The following MANBA variants were observed in gnomAD, a reference collection of about 807,000 sequenced individuals.
MANBA encodes mannosidase beta.
In MANBA, 83 loss-of-function variants were observed where a neutral mutation model predicts 111.1. The ratio of observed to expected loss-of-function variants is 0.75; its 90% CI spans 0.63 to 0.90. The LOEUF is 0.90. Ranked by LOEUF, MANBA falls within the 40% of genes least tolerant of loss-of-function variation. The pLI is 0.00. For missense variants in MANBA, 1,036 were observed against 1,069.0 expected (o/e 0.97, Z 0.43); for synonymous variants, 370 against 378.7 (o/e 0.98, Z 0.27).
chr4:102,748,541 G>A (rs1056914806), intron 1 of MANBA, among the ~76,000 whole-genome samples: 20 of 152,160 alleles, frequency 1.3e-4, no homozygotes, highest in African/African-American at 4.6e-4. Context: ...CAAGAAACCG[G>A]TTAATCATGG....
intron 5 of MANBA, among the ~76,000 whole-genome samples, chr4:102,696,802 G>A (rs1415524552): frequency 6.6e-6 from 1 of 152,140 alleles, no homozygotes; most frequent in African/African-American, 2.4e-5. Flanking sequence ...GCAGGGAAAG[G>A]TAGTTATGTG....
At chr4:102,725,365 C>A (rs1722754885) in intron 2 of MANBA, among the ~76,000 whole-genome samples, 1 of 151,986 alleles carries the variant, frequency 6.6e-6, no homozygotes, top group African/African-American at 2.4e-5. Flanking sequence ...CTGCAAAGAG[C>A]AAAACCAAAA....
At chr4:102,710,754 T>C (rs1722031603) in intron 5 of MANBA, among the ~76,000 whole-genome samples, 1 of 151,946 alleles carries the variant, frequency 6.6e-6, no homozygotes, top group Admixed American at 6.6e-5. Flanking sequence ...AACAGACACA[T>C]AAACCAAAGG....
At chr4:102,720,782 G>A (rs182107875) in intron 4 of MANBA, among the ~76,000 whole-genome samples, 1 of 152,272 alleles carries the variant, frequency 6.6e-6, no homozygotes, top group East Asian at 1.9e-4. Context: ...CTCTAAGGCT[G>A]TTATTACAGT....
intron 8 of MANBA, chr4:102,671,808 C>T (rs142684623): frequency 2.4e-6 from 1 of 417,478 alleles, no homozygotes; most frequent in African/African-American, 2.1e-5. Flanking sequence ...ATTTCTCCAG[C>T]CCAGTATTTC....
At chr4:102,748,124 C>A (rs186132803) in intron 1 of MANBA, among the ~76,000 whole-genome samples, 17 of 152,260 alleles carry the variant, frequency 1.1e-4, no homozygotes, top group African/African-American at 4.1e-4. Context: ...GTGGAAGAGG[C>A]AGTTGGTGAA....
chr4:102,670,012 G>A (rs559661963), intron 9 of MANBA, among the ~76,000 whole-genome samples: 9 of 151,788 alleles, frequency 5.9e-5, no homozygotes, highest in Admixed American at 3.3e-4. Flanking sequence ...AAAATTAGCC[G>A]GGCGTGGTGA....
chr4:102,703,390 A>C (rs1490633365), intron 5 of MANBA, among the ~76,000 whole-genome samples: 1 of 152,230 alleles, frequency 6.6e-6, no homozygotes. Flanking sequence ...AATTCAGTTC[A>C]TGGTTTGACT....
chr4:102,759,233 CTCTT>C (rs1288412386), intron 1 of MANBA, among the ~76,000 whole-genome samples: 1 of 150,838 alleles, frequency 6.6e-6, no homozygotes. Flanking sequence ...GCCTCATAGA[CTCTT>C]TCTATGTTGG....
intron 5 of MANBA, among the ~76,000 whole-genome samples, chr4:102,703,602 T>G (rs1043723658): frequency 6.6e-6 from 1 of 152,166 alleles, no homozygotes; most frequent in Non-Finnish European, 1.5e-5. Flanking sequence ...GATCAGTGCT[T>G]GAGATATTCT....
intron 5 of MANBA, among the ~76,000 whole-genome samples, chr4:102,711,079 C>T (rs1273787693): frequency 1.3e-5 from 2 of 152,020 alleles, no homozygotes; most frequent in African/African-American, 4.8e-5. Context: ...TAGCTAAGAC[C>T]TCAAAAGCAA....
chr4:102,743,345 C>A (rs889916243), intron 1 of MANBA, among the ~76,000 whole-genome samples: 14 of 152,214 alleles, frequency 9.2e-5, no homozygotes, highest in Non-Finnish European at 1.8e-4. Flanking sequence ...AAGTGCACAA[C>A]CAGGTGCACT....
chr4:102,734,223 C>A (rs995634651), intron 1 of MANBA: 62 of 758,468 alleles, frequency 8.2e-5, no homozygotes, highest in Non-Finnish European at 1.2e-4. Context: ...TATGTGAGAA[C>A]CCTCTGTACT....
At chr4:102,740,849 C>G (rs573032653) in intron 1 of MANBA, among the ~76,000 whole-genome samples, 84 of 152,046 alleles carry the variant, frequency 5.5e-4, no homozygotes, top group African/African-American at 2.0e-3. Flanking sequence ...AAAAAAAAAT[C>G]TAGAAGATAA....
At chr4:102,689,479 G>T in intron 7 of MANBA, 95 bp downstream of exon 7, 2 of 787,638 alleles carry the variant, frequency 2.5e-6, no homozygotes, top group Non-Finnish European at 4.1e-6. Context: ...GGACACAAGA[G>T]TTTTGACGGT....
At chr4:102,751,567 T>A (rs13133568) in intron 1 of MANBA, 2 of 535,962 alleles carry the variant, frequency 3.7e-6, no homozygotes, top group African/African-American at 3.8e-5. Context: ...TTTTATTTCC[T>A]TATTAAGGGC....
At chr4:102,729,333 G>T in intron 1 of MANBA, 1 of 755,410 alleles carries the variant, frequency 1.3e-6, no homozygotes. Context: ...TCTGGTACAT[G>T]CTCTCAGCCT....
intron 1 of MANBA, among the ~76,000 whole-genome samples, chr4:102,755,024 T>C (rs1324717051): frequency 3.9e-5 from 6 of 152,146 alleles, no homozygotes; most frequent in Admixed American, 3.3e-4. Context: ...AGAATTAATA[T>C]CATGAAAATG....
intron 4 of MANBA, chr4:102,722,605 C>T: frequency 2.3e-6 from 1 of 437,814 alleles, no homozygotes; most frequent in South Asian, 2.4e-5. Context: ...TGTAAAGTTC[C>T]ATTATCAGCC....
Sources: gnomAD v4.1 joint callset for allele counts (sites outside exome capture counted in the v4.1 genomes callset) on GRCh38, gnomAD v4.1.1 for gene constraint, MANE v1.5 for transcripts, NCBI Gene and HGNC (gene_info 2026-07-23, HGNC 2026-07-21) for gene names.